PRR16: variants seen among roughly 807,000 people sequenced by gnomAD.
PRR16 encodes the protein proline rich 16, also known as protein Largen.
PRR16 carries 6 observed loss-of-function variants against 18.2 expected under a neutral mutation model. The ratio of observed to expected loss-of-function variants is 0.33; its 90% CI spans 0.18 to 0.65. The LOEUF is 0.65. PRR16 is among the 30% of genes least tolerant of loss of function. The probability of loss-of-function intolerance (pLI) is 0.74; values close to 1 mark genes in which losing one functional copy is unlikely to be tolerated. For synonymous variants in PRR16, 151 were observed against 147.8 expected, an observed-to-expected ratio of 1.02 and a Z score of -0.16; for missense variants, 412 against 376.6, an observed-to-expected ratio of 1.09 and a Z score of -0.78.
chr5:120,754,355 TGTATATAA>T, the PRR16 span, among the ~76,000 whole-genome samples: 2 of 66,112 alleles, frequency 3.0e-5, no homozygotes, highest in African/African-American at 1.4e-4. Context: ...TGTTATATGA[TGTATATAA>T]ATATATAATA....
At chr5:120,502,671 C>T (rs1003632068) in intron 1 of PRR16, among the ~76,000 whole-genome samples, 1 of 152,082 alleles carries the variant, frequency 6.6e-6, no homozygotes, top group Non-Finnish European at 1.5e-5. Context: ...ATCTTTTAAT[C>T]CCTATTGGAG....
chr5:120,782,199 A>G, the PRR16 span, among the ~76,000 whole-genome samples: 5 of 152,234 alleles, frequency 3.3e-5, no homozygotes, highest in East Asian at 7.8e-4. Context: ...AGATTAAACC[A>G]TCAATTTGCA....
At chr5:120,653,742 A>G (rs1213362190) in intron 1 of PRR16, among the ~76,000 whole-genome samples, 1 of 151,984 alleles carries the variant, frequency 6.6e-6, no homozygotes, top group Non-Finnish European at 1.5e-5. Flanking sequence ...ACTAGAAGTG[A>G]TGCATTTCTC....
At chr5:120,650,704 C>T (rs896344360) in intron 1 of PRR16, among the ~76,000 whole-genome samples, 4 of 152,072 alleles carry the variant, frequency 2.6e-5, no homozygotes, top group Admixed American at 6.6e-5. Flanking sequence ...ATATGTGCCA[C>T]GTTTTCTTAA....
intron 1 of PRR16, among the ~76,000 whole-genome samples, chr5:120,669,690 T>C (rs1032763555): frequency 4.1e-4 from 62 of 152,108 alleles, no homozygotes; most frequent in African/African-American, 1.4e-3. Context: ...ATGATATTAA[T>C]TTAAACGTCA....
At chr5:120,733,477 A>G in the PRR16 span, among the ~76,000 whole-genome samples, 7 of 152,136 alleles carry the variant, frequency 4.6e-5, no homozygotes, top group African/African-American at 1.7e-4. Flanking sequence ...ATATTATAAA[A>G]TATATATTTG....
chr5:120,614,427 A>G (rs1252077354), intron 1 of PRR16, among the ~76,000 whole-genome samples: 2 of 152,234 alleles, frequency 1.3e-5, no homozygotes, highest in Admixed American at 1.3e-4. Flanking sequence ...AACAAATTCA[A>G]ATCATTTTCT....
intron 1 of PRR16, among the ~76,000 whole-genome samples, chr5:120,497,672 A>G (rs1282425628): frequency 6.6e-6 from 1 of 152,042 alleles, no homozygotes; most frequent in Non-Finnish European, 1.5e-5. Context: ...TACAGGCGTG[A>G]GCCACAGCTC....
intron 1 of PRR16, among the ~76,000 whole-genome samples, chr5:120,543,525 C>G (rs1348598746): frequency 6.6e-6 from 1 of 152,050 alleles, no homozygotes; most frequent in Non-Finnish European, 1.5e-5. Flanking sequence ...TTAATCTATA[C>G]CAGTATATAG....
the PRR16 span, among the ~76,000 whole-genome samples, chr5:120,754,504 ATG>A: frequency 5.5e-5 from 2 of 36,596 alleles, no homozygotes; most frequent in African/African-American, 1.4e-4. Context: ...GTATTTTATT[ATG>A]TATATTATAT....
intron 1 of PRR16, among the ~76,000 whole-genome samples, chr5:120,672,160 A>G (rs551546930): frequency 1.3e-5 from 2 of 152,048 alleles, no homozygotes; most frequent in Non-Finnish European, 2.9e-5. Context: ...CTAGGGCTGC[A>G]TAACAGGACT....
chr5:120,763,757 G>A, the PRR16 span, among the ~76,000 whole-genome samples: 2 of 152,018 alleles, frequency 1.3e-5, no homozygotes, highest in East Asian at 3.9e-4. Context: ...TTTACTTGTA[G>A]AGGTGTTTCA....
At chr5:120,650,072 A>C (rs1454703004) in intron 1 of PRR16, among the ~76,000 whole-genome samples, 2 of 151,888 alleles carry the variant, frequency 1.3e-5, no homozygotes, top group African/African-American at 4.8e-5. Flanking sequence ...GCAAAAATTA[A>C]CTGGGTGTGG....
chr5:120,627,218 A>G lies in PRR16; in HGVS notation c.160-58736A>G, dbSNP rs150898454. 6.1e-3 allele frequency among the ~76,000 whole-genome samples: 936 copies of G among 152,252 alleles called. 46 individuals carry two copies. The highest frequency in any genetic ancestry group is 0.057 in the Admixed American group (874 of 15,274). ...GGGATTAAGCCTAAATCATGTAGCTATTAAATGGCCGAGATGTGGCTAGCA... is the reference window on the plus strand; with the variant it reads ...GGGATTAAGCCTAAATCATGTAGCTGTTAAATGGCCGAGATGTGGCTAGCA... On this transcript the variant is annotated intron_variant, in intron 1 of 1. Coordinates refer to ENST00000407149, the MANE Select transcript of PRR16 (RefSeq NM_001300783.2).
chr5:120,561,601 TA>T (rs1348277900), intron 1 of PRR16, among the ~76,000 whole-genome samples: 1 of 152,116 alleles, frequency 6.6e-6, no homozygotes, highest in African/African-American at 2.4e-5. Flanking sequence ...AGCCTTTGGA[TA>T]AAATGTTATG....
chr5:120,500,981 G>GT (rs1255286870), intron 1 of PRR16, among the ~76,000 whole-genome samples: 2 of 151,130 alleles, frequency 1.3e-5, no homozygotes. Context: ...TAACAACTCA[G>GT]AATACTTAAA....
At chr5:120,504,070 A>G (rs1339761433) in intron 1 of PRR16, among the ~76,000 whole-genome samples, 2 of 151,430 alleles carry the variant, frequency 1.3e-5, no homozygotes, top group Non-Finnish European at 2.9e-5. Flanking sequence ...CATGTGCACA[A>G]TGTGCAGGTT....
At chr5:120,794,218 G>A in the PRR16 span, among the ~76,000 whole-genome samples, 9 of 152,188 alleles carry the variant, frequency 5.9e-5, no homozygotes, top group African/African-American at 1.9e-4. Context: ...ATATCTGACT[G>A]AGTATAAACT....
At chr5:120,477,456 C>T (rs1749479372) in intron 1 of PRR16, among the ~76,000 whole-genome samples, 1 of 152,080 alleles carries the variant, frequency 6.6e-6, no homozygotes, top group Non-Finnish European at 1.5e-5. Context: ...ACTAGAAAGC[C>T]TAGTTAGCCC....
Sources: allele counts gnomAD v4.1 joint callset (sites outside exome capture counted in the v4.1 genomes callset), GRCh38; gene constraint gnomAD v4.1.1; transcripts MANE v1.5; gene names NCBI Gene and HGNC (gene_info 2026-07-23, HGNC 2026-07-21).